INO80: variants seen among roughly 807,000 people sequenced by gnomAD.
INO80 encodes the protein INO80 complex ATPase subunit.
In INO80, 20 loss-of-function variants were observed where a neutral mutation model predicts 203.4. The ratio of observed to expected loss-of-function variants is 0.10; its 90% confidence interval spans 0.07 to 0.14. INO80 has a LOEUF of 0.14. INO80 is among the 10% of genes least tolerant of loss of function. The probability of loss-of-function intolerance (pLI) is 1.00; values close to 1 mark genes in which losing one functional copy is unlikely to be tolerated. For synonymous variants in INO80, 726 were observed against 685.2 expected (o/e 1.06, Z -0.93); for missense variants, 1,419 against 1,914.4 (o/e 0.74, Z 4.83).
At chr15:41,080,946 G>T in intron 8 of INO80, 74 bp downstream of exon 8, 1 of 937,372 alleles carries the variant, frequency 1.1e-6, no homozygotes, top group Non-Finnish European at 1.8e-6. Flanking sequence ...GACAAGAGCA[G>T]CAAGATGGAC....
At chr15:41,089,140 A>T (rs1265710331) in intron 5 of INO80, among the ~76,000 whole-genome samples, 1 of 152,206 alleles carries the variant, frequency 6.6e-6, no homozygotes, top group Non-Finnish European at 1.5e-5. Context: ...CAGTGAGCCA[A>T]GATCATGCCA....
At position 41,044,891 on chromosome 15, in the gene INO80, A is replaced by T. The variant is rs754736274; in HGVS notation, c.2907+13T>A. ...ATACTAAGTAGGTAATTTATGCTCAAATAATTGCTTACCTTTAACAAAGGG... is the reference window on the plus strand; with the variant it reads ...ATACTAAGTAGGTAATTTATGCTCATATAATTGCTTACCTTTAACAAAGGG... On this transcript the variant is annotated intron_variant, in intron 24 of 35. Transcript: ENST00000648947. 2.5e-6 allele frequency: 4 copies of T among 1,586,876 alleles called. No homozygotes were observed. In the South Asian group the frequency reaches 3.5e-5, roughly 14 times the overall value.
At chr15:41,034,253 T>A (rs148035678) in intron 24 of INO80, among the ~76,000 whole-genome samples, 2 of 151,942 alleles carry the variant, frequency 1.3e-5, no homozygotes, top group Non-Finnish European at 2.9e-5. Context: ...GGTGGGTGAG[T>A]GCAAGGGTTT....
At chr15:40,983,670 C>T (rs1451448395) in intron 34 of INO80, 92 bp downstream of exon 34, 2 of 1,090,356 alleles carry the variant, frequency 1.8e-6, no homozygotes, top group Non-Finnish European at 1.3e-6. Context: ...ATAAAAATAC[C>T]ATTATCCTAG....
In INO80 at chr15:40,979,263, CCT is replaced by C. The variant is rs1381756194; in HGVS notation, c.*958_*959del. 2.0e-5 allele frequency: 3 copies of C among 152,662 alleles called. No individual in the cohort carries two copies. The highest frequency in any genetic ancestry group is 2.9e-5 in the Non-Finnish European group (2 of 68,064). The allele number at this position is 152,662 out of a possible 1,614,324, so 9.5% of individuals were successfully genotyped here. Reference sequence around the variant, plus strand: ...AAACACCTCCCATGCAAACACTGCCCCTCTGTCTCTACTGGAGGGCAGCAAGC... The same window carrying C: ...AAACACCTCCCATGCAAACACTGCCCCTGTCTCTACTGGAGGGCAGCAAGC... On this transcript the variant is annotated 3_prime_UTR_variant, in exon 36 of 36. Coordinates refer to ENST00000648947, the MANE Select transcript of INO80 (RefSeq NM_017553.3).
intron 1 of INO80, among the ~76,000 whole-genome samples, chr15:41,100,019 C>T (rs1413725517): frequency 6.6e-6 from 1 of 152,020 alleles, no homozygotes; most frequent in East Asian, 1.9e-4. Context: ...AGGAAAATGA[C>T]ACTAATTAAG....
chr15:41,010,546 T>C (rs1305599961), intron 27 of INO80, among the ~76,000 whole-genome samples: 3 of 152,050 alleles, frequency 2.0e-5, no homozygotes, highest in Non-Finnish European at 4.4e-5. Flanking sequence ...CTCAAGCAGA[T>C]TGGTTCCAGA....
At chr15:41,091,841 A>G (rs1246481667) in intron 5 of INO80, among the ~76,000 whole-genome samples, 186 bp downstream of exon 5, 4 of 151,752 alleles carry the variant, frequency 2.6e-5, no homozygotes, top group African/African-American at 4.8e-5. Flanking sequence ...TTTAGTAGAC[A>G]GGGGGTTTCA....
intron 26 of INO80, chr15:41,017,097 C>T (rs1489010376): frequency 2.0e-5 from 3 of 152,102 alleles, no homozygotes; most frequent in Admixed American, 2.0e-4. Context: ...GAAAGCAGGG[C>T]TTTTCAGAAA....
intron 29 of INO80, among the ~76,000 whole-genome samples, chr15:40,989,560 G>A (rs1448992274): frequency 6.6e-6 from 1 of 152,126 alleles, no homozygotes; most frequent in African/African-American, 2.4e-5. Flanking sequence ...TCTAGACCAG[G>A]CCCTCACAAC....
chr15:41,001,283 G>A (rs2043955391), intron 28 of INO80, among the ~76,000 whole-genome samples: 1 of 152,104 alleles, frequency 6.6e-6, no homozygotes, highest in South Asian at 2.1e-4. Flanking sequence ...GCATCTGGCT[G>A]GTCTGTAAAG....
rs140656864 is a variant in INO80, at chr15:41,063,313, G to C, written c.1783-3387C>G. The stretch of plus-strand genomic sequence containing the variant: ...GATCACATCACTGCACTCCAGCCTG[G>C]GCCACAGAGCCAGACTCCGTCTCAA... On this transcript the variant is annotated intron_variant, in intron 14 of 35. Transcript: ENST00000648947. 1.2e-4 allele frequency among the ~76,000 whole-genome samples: 18 copies of C among 151,946 alleles called. No individual in the cohort carries two copies. In the East Asian group the frequency reaches 3.5e-3, roughly 29 times the overall value.
intron 29 of INO80, among the ~76,000 whole-genome samples, chr15:40,996,975 A>C (rs2043889569): frequency 6.6e-6 from 1 of 152,168 alleles, no homozygotes; most frequent in Non-Finnish European, 1.5e-5. Context: ...TGTCGAATGA[A>C]TGTGTAAGAC....
chr15:40,986,997 C>T (rs1177620972), intron 31 of INO80, 94 bp downstream of exon 31: 2 of 659,404 alleles, frequency 3.0e-6, no homozygotes, highest in South Asian at 3.9e-5. Context: ...TCCCTAAATA[C>T]AGCCTCTGGC....
intron 29 of INO80, among the ~76,000 whole-genome samples, chr15:40,990,936 G>A (rs2043809094): frequency 1.3e-5 from 2 of 152,138 alleles, no homozygotes; most frequent in South Asian, 4.1e-4. Flanking sequence ...GAGGGCTGAT[G>A]TCACACCCAA....
chr15:41,087,783 A>G (rs2045582978), intron 5 of INO80, 101 bp from the exon 6 acceptor site: 1 of 1,172,266 alleles, frequency 8.5e-7, no homozygotes, highest in Admixed American at 2.6e-5. Context: ...TAGCTCCTAA[A>G]TACAGTATTC....
intron 27 of INO80, among the ~76,000 whole-genome samples, chr15:41,013,916 T>C (rs1485219335): frequency 6.6e-6 from 1 of 152,074 alleles, no homozygotes; most frequent in African/African-American, 2.4e-5. Flanking sequence ...TTTAGAGAGG[T>C]TCTCAAGCTG....
chr15:41,085,623 G>A, intron 6 of INO80, 40 bp from the exon 7 acceptor site: 3 of 1,545,092 alleles, frequency 1.9e-6, no homozygotes, highest in Non-Finnish European at 2.7e-6. Context: ...ACTTCCACAG[G>A]AGATAGTCAC....
At chr15:41,092,246 A>T in intron 4 of INO80, 64 bp from the exon 5 acceptor site, 3 of 1,371,628 alleles carry the variant, frequency 2.2e-6, no homozygotes, top group Non-Finnish European at 3.0e-6. Flanking sequence ...TAATCCAAGC[A>T]TTTTTTCCTA....
Sources: gnomAD v4.1 joint callset for allele counts (sites outside exome capture counted in the v4.1 genomes callset) on GRCh38, gnomAD v4.1.1 for gene constraint, MANE v1.5 for transcripts, NCBI Gene and HGNC (gene_info 2026-07-23, HGNC 2026-07-21) for gene names.